The following BABAM2 variants were observed in gnomAD, a reference collection of about 807,000 sequenced individuals.
The protein encoded by BABAM2 is BRISC and BRCA1-A complex member 2.
BABAM2 carries 31 observed loss-of-function variants against 54.7 expected under a neutral mutation model. The ratio of observed to expected loss-of-function variants is 0.57; its 90% CI spans 0.43 to 0.77. BABAM2 has a LOEUF of 0.77. Among genes scored for constraint, BABAM2 ranks in the 30% least tolerant of loss-of-function variants. The pLI, the probability that BABAM2 is intolerant of heterozygous loss-of-function variation, is 0.00. For missense variants in BABAM2, 364 were observed against 455.8 expected (o/e 0.80, Z 1.83); for synonymous variants, 167 against 162.9 (o/e 1.03, Z -0.19).
At chr2:27,894,907 A>G (rs1665167387) in intron 2 of BABAM2, 5 of 479,640 alleles carry the variant, frequency 1.0e-5, no homozygotes. Context: ...TAGAATGTTC[A>G]TGTCTTTTTT....
At chr2:28,023,481 A>G (rs1205904376) in intron 4 of BABAM2, among the ~76,000 whole-genome samples, 4 of 152,196 alleles carry the variant, frequency 2.6e-5, no homozygotes, top group African/African-American at 9.7e-5. Flanking sequence ...GATACTTTGA[A>G]TTTAGTCTTG....
chr2:28,015,201 T>G (rs1172211538), intron 4 of BABAM2, among the ~76,000 whole-genome samples: 1 of 152,124 alleles, frequency 6.6e-6, no homozygotes. Flanking sequence ...AAAACAGATG[T>G]GTGAGGATCA....
At chr2:28,149,140 G>A (rs1386297430) in intron 7 of BABAM2, among the ~76,000 whole-genome samples, 1 of 152,184 alleles carries the variant, frequency 6.6e-6, no homozygotes, top group African/African-American at 2.4e-5. Context: ...CATTATTACT[G>A]TAGTGTTTTT....
At chr2:27,919,248 A>G (rs1204611351) in intron 2 of BABAM2, among the ~76,000 whole-genome samples, 1 of 152,206 alleles carries the variant, frequency 6.6e-6, no homozygotes, top group East Asian at 1.9e-4. Context: ...TATTCATTCC[A>G]ATAGTGCATA....
intron 11 of BABAM2, among the ~76,000 whole-genome samples, chr2:28,300,790 A>T (rs2148248522): frequency 6.6e-6 from 1 of 152,344 alleles, no homozygotes; most frequent in African/African-American, 2.4e-5. Context: ...GTTTCAAGAG[A>T]CATTTGCTTT....
At chr2:28,112,147 T>TCCC (rs1668119705) in intron 6 of BABAM2, among the ~76,000 whole-genome samples, 3 of 5,246 alleles carry the variant, frequency 5.7e-4, no homozygotes, top group African/African-American at 9.7e-4. Flanking sequence ...CTTTCTTTCT[T>TCCC]TACCTCCCTC....
intron 6 of BABAM2, among the ~76,000 whole-genome samples, chr2:28,107,605 A>T (rs948250365): frequency 6.6e-6 from 1 of 152,030 alleles, no homozygotes; most frequent in African/African-American, 2.4e-5. Flanking sequence ...ATTCCTTCCA[A>T]CTAGGACCAT....
chr2:27,929,138 C>T (rs1437814112), intron 2 of BABAM2, among the ~76,000 whole-genome samples: 1 of 151,450 alleles, frequency 6.6e-6, no homozygotes, highest in Non-Finnish European at 1.5e-5. Flanking sequence ...GGAGCTTGAG[C>T]CTGAGAGATT....
intron 4 of BABAM2, among the ~76,000 whole-genome samples, chr2:27,990,669 C>A (rs923925524): frequency 3.3e-5 from 5 of 151,900 alleles, no homozygotes; most frequent in Middle Eastern, 3.4e-3. Flanking sequence ...CTTAAAAATT[C>A]ATGAAAATTT....
intron 2 of BABAM2, among the ~76,000 whole-genome samples, chr2:27,906,745 G>A (rs1666212316): frequency 6.6e-6 from 1 of 152,048 alleles, no homozygotes; most frequent in Admixed American, 6.6e-5. Context: ...AGTCTAATGT[G>A]TAAAGAAAAG....
At chr2:28,286,410 C>T (rs1686820191) in intron 10 of BABAM2, among the ~76,000 whole-genome samples, 1 of 152,168 alleles carries the variant, frequency 6.6e-6, no homozygotes, top group African/African-American at 2.4e-5. Context: ...GAAAGACGTT[C>T]ACAGTCCTTC....
chr2:28,002,634 A>G (rs1272534814), intron 4 of BABAM2, among the ~76,000 whole-genome samples: 1 of 152,178 alleles, frequency 6.6e-6, no homozygotes, highest in Non-Finnish European at 1.5e-5. Flanking sequence ...GGCAAATTAC[A>G]GAAAACCAAA....
chr2:28,336,595 C>T (rs188201592), intron 11 of BABAM2, among the ~76,000 whole-genome samples: 1 of 152,270 alleles, frequency 6.6e-6, no homozygotes, highest in East Asian at 1.9e-4. Flanking sequence ...GCTGTGGCAC[C>T]ACATGTCACA....
chr2:28,076,750 C>A lies in BABAM2; in HGVS notation c.570+30951C>A, dbSNP rs1573531718. 2.0e-5 allele frequency among the ~76,000 whole-genome samples: 3 copies of A among 152,116 alleles called. No individual in the cohort carries two copies. In the East Asian group the frequency reaches 5.8e-4, roughly 29 times the overall value. On this transcript the variant is annotated intron_variant, in intron 6 of 11. Transcript: ENST00000379624. ...CTCAATCTCCTGACCTCATGATCCA[C>A]CCGCTTCGGCCTCCCAAAGTGAGAT...
At chr2:28,258,706 A>G (rs7575499) in intron 10 of BABAM2, among the ~76,000 whole-genome samples, 12,622 of 141,686 alleles carry the variant, frequency 0.089, 615 homozygotes, top group Middle Eastern at 0.17. Flanking sequence ...TCTACCTCCC[A>G]GGCTCAAGTG....
intron 9 of BABAM2, 78 bp from the exon 10 acceptor site, chr2:28,244,702 T>A (rs1682756347): frequency 7.5e-7 from 1 of 1,329,242 alleles, no homozygotes; most frequent in Admixed American, 1.8e-5. Flanking sequence ...AATATATTCT[T>A]TACTTGGTTT....
chr2:28,282,363 CT>C (rs2148196982), intron 10 of BABAM2, among the ~76,000 whole-genome samples: 1 of 152,320 alleles, frequency 6.6e-6, no homozygotes, highest in East Asian at 1.9e-4. Context: ...ATCTCTCAGA[CT>C]TTTGTGCTTT....
At chr2:28,318,185 C>G (rs1386262636) in intron 11 of BABAM2, among the ~76,000 whole-genome samples, 1 of 152,200 alleles carries the variant, frequency 6.6e-6, no homozygotes, top group Non-Finnish European at 1.5e-5. Context: ...TTGGGTGGAC[C>G]TCCAAATGAC....
chr2:27,987,092 A>G (rs764537254), intron 3 of BABAM2, among the ~76,000 whole-genome samples: 19 of 152,206 alleles, frequency 1.2e-4, no homozygotes, highest in Non-Finnish European at 2.4e-4. Flanking sequence ...ACTGCTAGGC[A>G]TGCCATCTCT....
Sources: allele counts gnomAD v4.1 joint callset (sites outside exome capture counted in the v4.1 genomes callset), GRCh38; gene constraint gnomAD v4.1.1; transcripts MANE v1.5; gene names NCBI Gene and HGNC (gene_info 2026-07-23, HGNC 2026-07-21).